Variants in CARS2 observed in about 807,000 individuals in gnomAD.
The protein encoded by CARS2 is cysteinyl-tRNA synthetase 2, mitochondrial.
A neutral mutation model predicts 68.8 loss-of-function variants in CARS2; 52 were observed. The ratio of observed to expected loss-of-function variants is 0.76; its 90% CI spans 0.61 to 0.95. The LOEUF is 0.95. Among genes scored for constraint, CARS2 ranks in the 40% least tolerant of loss-of-function variants. The probability of loss-of-function intolerance (pLI) is 0.00; values close to 1 mark genes in which losing one functional copy is unlikely to be tolerated. For missense variants in CARS2, 780 were observed against 754.2 expected (o/e 1.03, Z -0.40); for synonymous variants, 314 against 303.6 (o/e 1.03, Z -0.36).
chr13:110,683,488 G>T (rs997439555), intron 5 of CARS2, among the ~76,000 whole-genome samples: 1 of 152,194 alleles, frequency 6.6e-6, no homozygotes, highest in African/African-American at 2.4e-5. Flanking sequence ...GACATATCAT[G>T]AGTACACAGA....
chr13:110,676,607 G>A lies in CARS2; in HGVS notation c.785+367C>T, dbSNP rs552327634. 1.1e-4 allele frequency among the ~76,000 whole-genome samples: 17 copies of A among 152,136 alleles called. No homozygotes were observed. The highest frequency in any genetic ancestry group is 8.3e-4 in the South Asian group (4 of 4,832). On this transcript the variant is annotated intron_variant, in intron 7 of 14. Coordinates refer to ENST00000257347, the MANE Select transcript of CARS2 (RefSeq NM_024537.4). The surrounding 1 kb of genome is among the most constrained non-coding windows in gnomAD (Gnocchi z 4.0). ...GAGCTAGAAGAGCTGGCGGGAAGGC[G>A]GAGAGGGATTTGGGGGCTAGAGAAG...
At chr13:110,690,515 T>G (rs1346659623) in intron 3 of CARS2, among the ~76,000 whole-genome samples, 2 of 152,238 alleles carry the variant, frequency 1.3e-5, no homozygotes, top group South Asian at 4.1e-4. Context: ...GGGTCCATCA[T>G]GCTGGACACA....
chr13:110,644,348 A>T, intron 13 of CARS2, 37 bp downstream of exon 13: 1 of 1,582,718 alleles, frequency 6.3e-7, no homozygotes, highest in African/African-American at 1.3e-5. Context: ...ACATGGAGAA[A>T]ATTCCAGAAT....
At chr13:110,650,033 T>A (rs951182919) in intron 10 of CARS2, among the ~76,000 whole-genome samples, 3 of 150,344 alleles carry the variant, frequency 2.0e-5, no homozygotes, top group Non-Finnish European at 4.4e-5. Flanking sequence ...GCCTCCTGGG[T>A]TGAAGTGATT....
chr13:110,705,845 C>A lies in CARS2; in HGVS notation c.224+25G>T. 1 of 1,541,538 alleles carries A rather than the reference C, an allele frequency of 6.5e-7. No individual in the cohort carries two copies. Among genetic ancestry groups the A allele is most frequent in the East Asian group, 2.4e-5 (1 of 41,198 alleles). On this transcript the variant is annotated intron_variant, in intron 1 of 14. Coordinates refer to ENST00000257347, the MANE Select transcript of CARS2 (RefSeq NM_024537.4). This position sits in a 1 kb window ranked among gnomAD's most constrained non-coding sequence, Gnocchi z 4.0. ...GTCTCCGCCACGATCGGCCCCCGCC[C>A]GTGCCCCAGTCCCGCGCGGCCCACC...
chr13:110,701,424 T>C lies in CARS2; in HGVS notation c.393+14A>G. 1 of 1,119,158 alleles carries C rather than the reference T, an allele frequency of 8.9e-7. No homozygotes were observed. Among genetic ancestry groups the C allele is most frequent in the Non-Finnish European group, 1.4e-6 (1 of 728,592 alleles). 69.3% of individuals were successfully genotyped at this position (1,119,158 alleles called of 1,614,324 possible). A position where few individuals can be genotyped will look rare whatever the true frequency, so the allele number is the denominator to read the frequency against. ...CAATGGCATTATCAATAGATGTAAC[T>C]CTTCTCCACTTACCTCATTGGCTCT... On this transcript the variant is annotated intron_variant, in intron 3 of 14. Coordinates refer to ENST00000257347, the MANE Select transcript of CARS2 (RefSeq NM_024537.4).
chr13:110,664,167 G>T, intron 8 of CARS2: 1 of 985,324 alleles, frequency 1.0e-6, no homozygotes, highest in Non-Finnish European at 1.2e-6. Flanking sequence ...AGGGCTTTCT[G>T]TTTCTAACAG....
At chr13:110,698,987 A>C (rs1304617411) in intron 3 of CARS2, among the ~76,000 whole-genome samples, 1 of 151,336 alleles carries the variant, frequency 6.6e-6, no homozygotes, top group African/African-American at 2.4e-5. Flanking sequence ...ACTCCAGCCT[A>C]GGCGACACAG....
At chr13:110,700,149 T>G (rs114290973) in intron 3 of CARS2, among the ~76,000 whole-genome samples, 154 of 152,236 alleles carry the variant, frequency 1.0e-3, no homozygotes, top group African/African-American at 3.5e-3. Flanking sequence ...TGGGGACACA[T>G]CCAATGAACC....
chr13:110,691,052 G>A (rs182018565), intron 3 of CARS2, among the ~76,000 whole-genome samples: 1 of 152,074 alleles, frequency 6.6e-6, no homozygotes, highest in Non-Finnish European at 1.5e-5. Context: ...TTTTGTTCTT[G>A]TTGTCCACGC....
chr13:110,685,205 G>A (rs1193795264), intron 5 of CARS2, among the ~76,000 whole-genome samples: 4 of 152,044 alleles, frequency 2.6e-5, no homozygotes, highest in Non-Finnish European at 5.9e-5. Flanking sequence ...TTTTTCCTGG[G>A]AGGCTGAGGC....
intron 3 of CARS2, among the ~76,000 whole-genome samples, chr13:110,699,279 G>A (rs932306523): frequency 2.0e-5 from 3 of 152,186 alleles, no homozygotes; most frequent in Admixed American, 6.5e-5. Context: ...CTCTTGGAGG[G>A]TCAAACTGCC....
In CARS2 at chr13:110,705,811, C is replaced by T. The variant is rs1209614993; in HGVS notation, c.224+59G>A. On this transcript the variant is annotated intron_variant, in intron 1 of 14. Transcript: ENST00000257347. This position sits in a 1 kb window ranked among gnomAD's most constrained non-coding sequence, Gnocchi z 4.0. ...CTCCCCGAGCCCAGATCCCGTTCAG[C>T]CGTGGGAAGTCTCCGCCACGATCGG... 6.6e-7 allele frequency: 1 copy of T among 1,524,504 alleles called. No individual in the cohort carries two copies. The highest frequency in any genetic ancestry group is 1.2e-5 in the South Asian group (1 of 81,852). 94.4% of individuals were successfully genotyped at this position (1,524,504 alleles called of 1,614,324 possible).
intron 13 of CARS2, chr13:110,642,759 C>G (rs961407372): frequency 1.3e-6 from 1 of 741,044 alleles, no homozygotes; most frequent in Non-Finnish European, 2.5e-6. Context: ...GAGTGATCCT[C>G]ACTCGGGAGT....
rs1002221596 is a variant in CARS2, at chr13:110,668,178, C to G, written c.786-705G>C. Among the ~76,000 whole-genome samples the G allele has an allele frequency of 6.6e-6, 1 of 152,228 alleles. No individual in the cohort carries two copies. Among genetic ancestry groups the G allele is most frequent in the African/African-American group, 2.4e-5 (1 of 41,460 alleles). ...CTGGTTCCCTGTGCTCGGGGAAGCACTGCACACGGAGGTCTCGAGCCTGGG... is the reference window on the plus strand; with the variant it reads ...CTGGTTCCCTGTGCTCGGGGAAGCAGTGCACACGGAGGTCTCGAGCCTGGG... On this transcript the variant is annotated intron_variant, in intron 7 of 14. Coordinates refer to ENST00000257347, the MANE Select transcript of CARS2 (RefSeq NM_024537.4). The surrounding 1 kb of genome is among the most constrained non-coding windows in gnomAD (Gnocchi z 4.1).
rs1464984441 is a variant in CARS2 at position 110,641,563 on chromosome 13, T to C, written c.1669A>G (p.Thr557Ala). 1.9e-6 allele frequency: 3 copies of C among 1,614,120 alleles called. No homozygotes were observed. The highest frequency in any genetic ancestry group is 1.7e-6 in the Non-Finnish European group (2 of 1,179,978). The change falls in exon 15 of 15, where the codon ACA becomes GCA. Residue 557 changes from threonine to alanine, a missense_variant. Thr to Ala is a moderately conservative substitution (Grantham distance 58, BLOSUM62 0). Transcript: ENST00000257347. ...CAGCCCGCTGATTTTTGGTCTTTTG[T>C]CCTTTGATCCAGCAGTTCCCACGTG... The part of the protein sequence containing the change: ...TSTWELLDQR[T>A]KDQKSAG
chr13:110,702,208 C>A (rs964160477), intron 2 of CARS2, among the ~76,000 whole-genome samples: 6 of 152,168 alleles, frequency 3.9e-5, no homozygotes, highest in Non-Finnish European at 5.9e-5. Context: ...AATTTCAGTT[C>A]GTAAAATTGT....
chr13:110,677,103 G>T lies in CARS2; in HGVS notation c.656C>A (p.Ala219Glu), dbSNP rs541127961. Residue 219 changes from alanine to glutamate, a missense_variant and splice_region_variant, in exon 7 of 15, where the codon GCG (alanine) becomes GAG (glutamate). Transcript: ENST00000257347. Reference sequence around the variant, plus strand: ...ACTGGCATGACGCTTGTCAGAGTCCGCTGCAGATGACAAACGGTACATCAG... The same window carrying T: ...ACTGGCATGACGCTTGTCAGAGTCCTCTGCAGATGACAAACGGTACATCAG... ...GVVPGPVGEP[A>E]DSDKRHASDF... is the part of the protein sequence containing the mutation. The T allele has an allele frequency of 5.6e-6, 9 of 1,603,240 alleles. No homozygotes were observed. The highest frequency in any genetic ancestry group is 2.6e-6 in the Non-Finnish European group (3 of 1,172,836).
In CARS2 at chr13:110,667,345, T is replaced by C. The variant is rs761552163; in HGVS notation, c.914A>G (p.His305Arg). The C allele has an allele frequency of 6.2e-7, 1 of 1,611,668 alleles. No individual in the cohort carries two copies. Among genetic ancestry groups the C allele is most frequent in the Admixed American group, 1.7e-5 (1 of 59,644 alleles). ...QCEQWGNYFL[H>R]SGHLHAKGKE... ...AATCTGAAGTTATTACTTACCAGAA[T>C]GCAGAAAATAATTTCCCCACTGCTC... is the stretch of plus-strand genomic sequence containing the variant. The change falls in exon 8 of 15, where the codon CAT (histidine) becomes CGT (arginine). Residue 305 changes from histidine to arginine, a missense_variant. His to Arg is a conservative substitution (Grantham distance 29). Transcript: ENST00000257347.
Sources: gnomAD v4.1 joint callset for allele counts (sites outside exome capture counted in the v4.1 genomes callset) on GRCh38, gnomAD v4.1.1 for gene constraint, Gnocchi (gnomAD v3.1) non-coding constraint, MANE v1.5 for transcripts, NCBI Gene and HGNC (gene_info 2026-07-23, HGNC 2026-07-21) for gene names.